Variants in MED27 observed in about 807,000 individuals in gnomAD.
MED27 encodes the protein mediator complex subunit 27, also known as mediator of RNA polymerase II transcription subunit 27.
In MED27, 30 loss-of-function variants were observed where a neutral mutation model predicts 38.2. That is an observed-to-expected ratio of 0.79 (90% CI 0.59 to 1.07). The LOEUF is 1.07. Among genes scored for constraint, MED27 ranks in the 50% least tolerant of loss-of-function variants. The pLI is 0.00. For synonymous variants in MED27, 122 were observed against 153.5 expected (o/e 0.79, Z 1.52); for missense variants, 289 against 397.5 (o/e 0.73, Z 2.32).
rs1201740676 is a variant in MED27 at position 131,862,612 on chromosome 9, G to A, written c.801+451C>T. Among the ~76,000 whole-genome samples the A allele has an allele frequency of 6.6e-6, 1 of 152,166 alleles. No individual in the cohort carries two copies. The highest frequency in any genetic ancestry group is 1.9e-4 in the East Asian group (1 of 5,188). ...AGATACTGAACAGGCACTGGCAGGA[G>A]CCGGCTGCAGCACCCCATTGGAATG... is the stretch of plus-strand genomic sequence containing the variant. On this transcript the variant is annotated intron_variant, in intron 7 of 7. Coordinates refer to ENST00000292035, the MANE Select transcript of MED27 (RefSeq NM_004269.4). The surrounding 1 kb of genome is among the most constrained non-coding windows in gnomAD (Gnocchi z 4.6).
At chr9:131,958,412 A>T (rs1831149052) in intron 3 of MED27, among the ~76,000 whole-genome samples, 1 of 151,828 alleles carries the variant, frequency 6.6e-6, no homozygotes, top group South Asian at 2.1e-4. Flanking sequence ...TGCCTGGCTA[A>T]TTTTTTTGTA....
intron 3 of MED27, among the ~76,000 whole-genome samples, chr9:132,011,624 A>G (rs1433644365): frequency 1.3e-5 from 2 of 152,288 alleles, no homozygotes; most frequent in East Asian, 3.9e-4. Context: ...CTGTGATCAT[A>G]CCACTGCACT....
intron 4 of MED27, among the ~76,000 whole-genome samples, chr9:131,894,368 G>A (rs1218911715): frequency 5.3e-5 from 8 of 151,938 alleles, no homozygotes. Context: ...TAGTGAGCAC[G>A]TTGTTTCGTG....
intron 3 of MED27, among the ~76,000 whole-genome samples, chr9:131,964,408 T>C (rs372410567): frequency 3.3e-3 from 30 of 9,060 alleles, no homozygotes; most frequent in Middle Eastern, 0.17. Flanking sequence ...CTGGAGGTGA[T>C]AGTGATGGTG....
chr9:131,893,551 G>C (rs1052637512), intron 5 of MED27, among the ~76,000 whole-genome samples: 14 of 152,136 alleles, frequency 9.2e-5, no homozygotes, highest in Admixed American at 9.2e-4. Context: ...GCAAAATGCT[G>C]AACCTTGGGC....
chr9:132,034,128 A>C (rs1276128877), intron 2 of MED27, among the ~76,000 whole-genome samples: 1 of 152,208 alleles, frequency 6.6e-6, no homozygotes, highest in Non-Finnish European at 1.5e-5. Context: ...TATGGGAATA[A>C]AGAATGTGGC....
At chr9:131,904,946 T>C (rs1830025278) in intron 4 of MED27, among the ~76,000 whole-genome samples, 2 of 152,178 alleles carry the variant, frequency 1.3e-5, no homozygotes, top group Admixed American at 1.3e-4. Context: ...TCCTATCTCA[T>C]CTCGTCTCCC....
At chr9:132,068,473 A>G (rs776936541) in intron 2 of MED27, among the ~76,000 whole-genome samples, 2 of 152,166 alleles carry the variant, frequency 1.3e-5, no homozygotes, top group Non-Finnish European at 2.9e-5. Context: ...GAAAGGGTAG[A>G]CTACAGGCCA....
At chr9:131,921,422 T>C (rs993506074) in intron 4 of MED27, among the ~76,000 whole-genome samples, 2 of 152,216 alleles carry the variant, frequency 1.3e-5, no homozygotes, top group East Asian at 1.9e-4. Context: ...AAGAAAGAGC[T>C]TTCCTTCATC....
intron 3 of MED27, among the ~76,000 whole-genome samples, chr9:131,941,664 T>C (rs1012557303): frequency 2.6e-5 from 4 of 151,924 alleles, no homozygotes; most frequent in Non-Finnish European, 4.4e-5. Flanking sequence ...ACTTTGATAT[T>C]CTTCAAGTAC....
chr9:131,991,866 C>T (rs936556336), intron 3 of MED27, among the ~76,000 whole-genome samples: 9 of 152,138 alleles, frequency 5.9e-5, no homozygotes, highest in Non-Finnish European at 1.2e-4. Flanking sequence ...GGATTACAGG[C>T]GAGCGCCACC....
chr9:131,930,961 T>C (rs1830574875), intron 4 of MED27, among the ~76,000 whole-genome samples: 1 of 152,148 alleles, frequency 6.6e-6, no homozygotes, highest in African/African-American at 2.4e-5. Context: ...TAACAGGTTA[T>C]AAGGCTGGGC....
chr9:132,040,428 C>T (rs952219555), intron 2 of MED27, among the ~76,000 whole-genome samples: 4 of 152,124 alleles, frequency 2.6e-5, no homozygotes, highest in African/African-American at 7.2e-5. Context: ...CCGTGGAGAG[C>T]GGCTGGCTGG....
intron 2 of MED27, among the ~76,000 whole-genome samples, chr9:132,052,969 C>T (rs895789781): frequency 6.6e-6 from 1 of 152,144 alleles, no homozygotes; most frequent in African/African-American, 2.4e-5. Flanking sequence ...AAGGGCTGCT[C>T]AGGGCTGGGC....
At position 131,872,986 on chromosome 9, in the gene MED27, C is replaced by T. The variant is rs1054355688; in HGVS notation, c.724-9846G>A. Among the ~76,000 whole-genome samples the T allele has an allele frequency of 2.6e-5, 4 of 152,246 alleles. No homozygotes were observed. Among genetic ancestry groups the T allele is most frequent in the African/African-American group, 4.8e-5 (2 of 41,462 alleles). ...TCAAGTAGCAGGCAGCAAAGCCAAA[C>T]GTGTGCTAGGCACAGGTGCCCAGGC... On this transcript the variant is annotated intron_variant, in intron 6 of 7. Coordinates refer to ENST00000292035, the MANE Select transcript of MED27 (RefSeq NM_004269.4). The surrounding 1 kb of genome is among the most constrained non-coding windows in gnomAD (Gnocchi z 5.6).
chr9:131,949,368 C>A (rs1830945404), intron 3 of MED27, among the ~76,000 whole-genome samples: 1 of 152,128 alleles, frequency 6.6e-6, no homozygotes, highest in Non-Finnish European at 1.5e-5. Context: ...CTTTTGCACT[C>A]TTTGCCTCGC....
chr9:131,959,144 G>A (rs562640332), intron 3 of MED27, among the ~76,000 whole-genome samples: 15 of 152,170 alleles, frequency 9.9e-5, no homozygotes, highest in South Asian at 2.1e-4. Context: ...GAAATCAGGC[G>A]TCCAACTGCC....
At chr9:132,022,996 C>T (rs1349868116) in intron 2 of MED27, among the ~76,000 whole-genome samples, 1 of 152,134 alleles carries the variant, frequency 6.6e-6, no homozygotes, top group African/African-American at 2.4e-5. Flanking sequence ...ACAGCCAAAC[C>T]ATATCAGTTG....
chr9:131,968,141 A>T (rs1434299790), intron 3 of MED27, among the ~76,000 whole-genome samples: 1 of 152,058 alleles, frequency 6.6e-6, no homozygotes, highest in Non-Finnish European at 1.5e-5. Flanking sequence ...ATACTCAGGA[A>T]TTAGAATGGG....
Sources: allele counts gnomAD v4.1 joint callset (sites outside exome capture counted in the v4.1 genomes callset), GRCh38; gene constraint gnomAD v4.1.1; non-coding constraint Gnocchi (gnomAD v3.1); transcripts MANE v1.5; gene names NCBI Gene and HGNC (gene_info 2026-07-23, HGNC 2026-07-21).